The following PKHD1 variants were observed in gnomAD, a reference collection of about 807,000 sequenced individuals.
The protein encoded by PKHD1 is fibrocystin.
In PKHD1, 291 loss-of-function variants were observed where a neutral mutation model predicts 412.0. The ratio of observed to expected loss-of-function variants is 0.71; its 90% CI spans 0.64 to 0.78. The LOEUF (loss-of-function observed/expected upper bound fraction) is 0.78, where lower values mean the gene tolerates loss of function less well. Among genes scored for constraint, PKHD1 ranks in the 30% least tolerant of loss-of-function variants. The probability of loss-of-function intolerance (pLI) is 0.00; values close to 1 mark genes in which losing one functional copy is unlikely to be tolerated. For synonymous variants in PKHD1, 1,777 were observed against 1,821.5 expected (o/e 0.98, Z 0.62); for missense variants, 4,825 against 4,950.7 (o/e 0.97, Z 0.76).
intron 36 of PKHD1, among the ~76,000 whole-genome samples, chr6:51,951,950 A>G (rs1790429660): frequency 6.6e-6 from 1 of 152,236 alleles, no homozygotes; most frequent in Non-Finnish European, 1.5e-5. Flanking sequence ...ATCTTTCATT[A>G]CTGAAAATAT....
rs1435874181 is a variant in PKHD1, at chr6:52,024,858, C to T, written c.4952G>A (p.Gly1651Asp). 5.6e-6 allele frequency: 9 copies of T among 1,614,086 alleles called. No individual in the cohort carries two copies. Among genetic ancestry groups the T allele is most frequent in the Non-Finnish European group, 4.2e-6 (5 of 1,180,052 alleles). ...DGLWYHIGVI[G>D]YNKAFTPELI... is the part of the protein sequence containing the mutation. The stretch of plus-strand genomic sequence containing the variant: ...TTCTGGGGTAAAGGCCTTGTTATAA[C>T]CAATGACTCCTATGTGATACCAAAG... The change falls in exon 32 of 67, where the codon GGT (glycine) becomes GAT (aspartate). Residue 1651 changes from glycine to aspartate, a missense_variant. Transcript: ENST00000371117.
chr6:51,869,026 T>A (rs1321509), intron 47 of PKHD1, among the ~76,000 whole-genome samples: 1 of 151,540 alleles, frequency 6.6e-6, no homozygotes, highest in African/African-American at 2.4e-5. Context: ...AAAAAGAAAA[T>A]AAAATGAAAA....
chr6:51,849,724 A>G lies in PKHD1; in HGVS notation c.7912-1754T>C, dbSNP rs547705303. Among the ~76,000 whole-genome samples, 1,031 of 152,086 alleles carry G rather than the reference A, an allele frequency of 6.8e-3. 16 individuals are homozygous for G. The highest frequency in any genetic ancestry group is 0.024 in the African/African-American group (986 of 41,486). On this transcript the variant is annotated intron_variant, in intron 49 of 66. Coordinates refer to ENST00000371117, the MANE Select transcript of PKHD1 (RefSeq NM_138694.4). ...AAATGTCTGTTCATATCCTTTGCCC[A>G]CTTTTTGATGGGGTTGTTTGTCTTT... is the stretch of plus-strand genomic sequence containing the variant.
At chr6:52,069,642 G>A (rs1810300563) in intron 10 of PKHD1, 115 bp from the exon 11 acceptor site, 1 of 804,998 alleles carries the variant, frequency 1.2e-6, no homozygotes, top group Admixed American at 1.7e-5. Flanking sequence ...CTTTAGAACA[G>A]TTGAAATAGC....
In PKHD1 at chr6:52,043,642, G is replaced by A. The variant is rs779817512; in HGVS notation, c.2804C>T (p.Ser935Phe). 6.2e-7 allele frequency: 1 copy of A among 1,610,770 alleles called. No homozygotes were observed. The highest frequency in any genetic ancestry group is 8.5e-7 in the Non-Finnish European group (1 of 1,177,202). ...YLQGSTPCVH[S>F]VWYSIDGDIN... ...AATCATACCAATGGAGTACCACACA[G>A]AATGGACACAGGGAGTTGACCCTTG... The change falls in exon 26 of 67, where the codon TCT becomes TTT. Residue 935 changes from serine (S) to phenylalanine (F), a missense_variant. Ser to Phe is a radical substitution (Grantham distance 155). Coordinates refer to ENST00000371117, the MANE Select transcript of PKHD1 (RefSeq NM_138694.4).
chr6:52,064,816 T>C, intron 13 of PKHD1, 139 bp downstream of exon 13: 1 of 432,112 alleles, frequency 2.3e-6, no homozygotes, highest in Non-Finnish European at 4.2e-6. Flanking sequence ...GCCTTGACAA[T>C]GGTATCATGG....
chr6:51,635,996 T>C (rs1297196832), intron 64 of PKHD1, among the ~76,000 whole-genome samples: 4 of 151,872 alleles, frequency 2.6e-5, no homozygotes. Flanking sequence ...GCCTACACCA[T>C]GGTAATGATA....
rs946448144 is a variant in PKHD1 at position 51,616,125 on chromosome 6, C to A, written c.*2956G>T. 1 of 152,102 alleles carries A rather than the reference C, an allele frequency of 6.6e-6. No homozygotes were observed. Among genetic ancestry groups the A allele is most frequent in the Non-Finnish European group, 1.5e-5 (1 of 68,046 alleles). 9.4% of individuals were successfully genotyped at this position (152,102 alleles called of 1,614,324 possible). On this transcript the variant is annotated 3_prime_UTR_variant, in exon 67 of 67. Transcript: ENST00000371117. ...AACTCGATAGTTTGAAATATGTATA[C>A]ATTGTGGAATGGATCAGTTGAACTA...
chr6:51,832,328 A>AT (rs1175116488), intron 51 of PKHD1, among the ~76,000 whole-genome samples: 1 of 152,016 alleles, frequency 6.6e-6, no homozygotes, highest in African/African-American at 2.4e-5. Context: ...TGATGAGTGT[A>AT]TGACAAGAGG....
At chr6:51,623,140 G>T (rs538250712) in intron 66 of PKHD1, among the ~76,000 whole-genome samples, 2 of 151,918 alleles carry the variant, frequency 1.3e-5, no homozygotes, top group Non-Finnish European at 2.9e-5. Context: ...GATGAACTTT[G>T]GAATCCATCT....
intron 64 of PKHD1, among the ~76,000 whole-genome samples, chr6:51,633,941 T>C (rs1768230797): frequency 2.0e-5 from 3 of 152,182 alleles, no homozygotes; most frequent in South Asian, 2.1e-4. Flanking sequence ...GATGAATATA[T>C]TCATTATTCT....
intron 60 of PKHD1, among the ~76,000 whole-genome samples, chr6:51,728,865 A>C (rs1291203923): frequency 1.3e-5 from 2 of 152,252 alleles, no homozygotes; most frequent in Non-Finnish European, 2.9e-5. Flanking sequence ...GGATCATGAT[A>C]AGTGGTGGCA....
At chr6:51,837,449 G>A (rs948697981) in intron 50 of PKHD1, among the ~76,000 whole-genome samples, 2 of 152,184 alleles carry the variant, frequency 1.3e-5, no homozygotes, top group Non-Finnish European at 2.9e-5. Flanking sequence ...GCTCATGCCT[G>A]TAATCCCAGC....
chr6:52,069,613 G>A, intron 10 of PKHD1, 86 bp from the exon 11 acceptor site: 3 of 923,610 alleles, frequency 3.2e-6, no homozygotes, highest in Middle Eastern at 4.2e-4. Context: ...AGGAAGATTG[G>A]GAACTAACCT....
chr6:51,740,059 T>A (rs748669132), intron 60 of PKHD1: 3 of 517,934 alleles, frequency 5.8e-6, no homozygotes, highest in Non-Finnish European at 1.2e-5. Context: ...GATGCCTCCA[T>A]AATCAAAAGA....
At chr6:52,080,285 A>G (rs953084169) in intron 4 of PKHD1, among the ~76,000 whole-genome samples, 2 of 152,220 alleles carry the variant, frequency 1.3e-5, no homozygotes, top group Admixed American at 6.5e-5. Context: ...TTGGACTTTA[A>G]GAATTAGAAG....
At chr6:51,695,336 T>A (rs753679085) in intron 60 of PKHD1, among the ~76,000 whole-genome samples, 7 of 152,130 alleles carry the variant, frequency 4.6e-5, no homozygotes, top group Non-Finnish European at 8.8e-5. Context: ...TAATGTAACC[T>A]CAATCTCAAC....
chr6:51,667,012 C>T (rs953980846), intron 60 of PKHD1, among the ~76,000 whole-genome samples: 35 of 149,198 alleles, frequency 2.3e-4, no homozygotes, highest in African/African-American at 8.2e-4. Flanking sequence ...CATACGTGTG[C>T]ATGTGTCTTT....
Position 51,617,904 on chromosome 6 carries a change from G to C in PKHD1, c.*1177C>G, listed in dbSNP as rs1479769056. The C allele has an allele frequency of 6.6e-6, 1 of 152,128 alleles. No homozygotes were observed. The highest frequency in any genetic ancestry group is 1.5e-5 in the Non-Finnish European group (1 of 68,016). The allele number at this position is 152,128 out of a possible 1,614,324, so 9.4% of individuals were successfully genotyped here. A position where few individuals can be genotyped will look rare whatever the true frequency, so the allele number is the denominator to read the frequency against. The stretch of plus-strand genomic sequence containing the variant: ...AAAATCCTGGTTTTCAGGATTTTCA[G>C]GAAAATCTGAGAGCAATCTCTTTTT... On this transcript the variant is annotated 3_prime_UTR_variant, in exon 67 of 67. Coordinates refer to ENST00000371117, the MANE Select transcript of PKHD1 (RefSeq NM_138694.4).
Sources: allele counts gnomAD v4.1 joint callset (sites outside exome capture counted in the v4.1 genomes callset), GRCh38; gene constraint gnomAD v4.1.1; transcripts MANE v1.5; gene names NCBI Gene and HGNC (gene_info 2026-07-23, HGNC 2026-07-21).